Variants in DMXL1 observed in about 807,000 individuals in gnomAD.
DMXL1 encodes the protein Dmx like 1, also known as dmX-like protein 1.
A neutral mutation model predicts 319.2 loss-of-function variants in DMXL1; 99 were observed. The ratio of observed to expected loss-of-function variants is 0.31; its 90% CI spans 0.26 to 0.37. The LOEUF (loss-of-function observed/expected upper bound fraction) is 0.37. DMXL1 is among the 10% of genes least tolerant of loss of function. DMXL1 has a pLI of 1.00. For synonymous variants in DMXL1, 1,385 were observed against 1,235.2 expected, an observed-to-expected ratio of 1.12 and a Z score of -2.54; for missense variants, 3,745 against 3,595.6, an observed-to-expected ratio of 1.04 and a Z score of -1.06.
intron 28 of DMXL1, among the ~76,000 whole-genome samples, chr5:119,187,637 G>C (rs1777972393): frequency 6.6e-6 from 1 of 151,814 alleles, no homozygotes; most frequent in Non-Finnish European, 1.5e-5. Flanking sequence ...TTTTTCCTTT[G>C]GTCCTGCTTC....
At chr5:119,214,020 T>G (rs1783242406) in intron 34 of DMXL1, among the ~76,000 whole-genome samples, 3 of 152,176 alleles carry the variant, frequency 2.0e-5, no homozygotes. Context: ...TTCTCTAACT[T>G]TTTATCTTTC....
chr5:119,167,723 G>T lies in DMXL1; in HGVS notation c.5257G>T (p.Asp1753Tyr), dbSNP rs745596483. The change falls in exon 23 of 44, where the codon GAT (aspartate) becomes TAT (tyrosine). Residue 1753 changes from aspartate to tyrosine, a missense_variant. Transcript: ENST00000539542. ...SILRKKVLGI[D>Y]SPVSELCSLN... ...TTTACGTAAAAAAGTTTTGGGAATC[G>T]ATTCTCCTGTCAGTGAACTGTGTTC... The T allele has an allele frequency of 6.2e-7, 1 of 1,613,584 alleles. No individual in the cohort carries two copies. The highest frequency in any genetic ancestry group is 2.2e-5 in the East Asian group (1 of 44,774).
intron 9 of DMXL1, among the ~76,000 whole-genome samples, chr5:119,124,656 C>T (rs560849155): frequency 1.3e-5 from 2 of 148,296 alleles, no homozygotes; most frequent in Non-Finnish European, 3.0e-5. Flanking sequence ...ACCTCTGCCT[C>T]TCGGGTTCAA....
rs1404022848 is a variant in DMXL1 at position 119,184,059 on chromosome 5, C to CTTTTTTTTTT, written c.7136-5646_7136-5637dup. 1.6e-4 allele frequency among the ~76,000 whole-genome samples: 23 copies of CTTTTTTTTTT among 140,414 alleles called. 1 individual carries two copies. Among genetic ancestry groups the CTTTTTTTTTT allele is most frequent in the African/African-American group, 6.1e-4 (22 of 36,334 alleles). The allele number at this position is 140,414 out of a possible 152,430, so 92.1% of individuals were successfully genotyped here. A position where few individuals can be genotyped will look rare whatever the true frequency, so the allele number is the denominator to read the frequency against. ...ACTCCCTCATTCAATGTTTTCTTCT[C>CTTTTTTTTTT]TTTTTTTTTTTTGAGACAGGGTCTT... On this transcript the variant is annotated intron_variant, in intron 28 of 43. Coordinates refer to ENST00000539542, the MANE Select transcript of DMXL1 (RefSeq NM_001290321.3).
At chr5:119,140,180 A>C (rs974372106) in intron 13 of DMXL1, among the ~76,000 whole-genome samples, 31 of 152,190 alleles carry the variant, frequency 2.0e-4, no homozygotes, top group African/African-American at 7.0e-4. Context: ...GAAAGATCTC[A>C]AACTAATAAC....
Position 119,116,786 on chromosome 5 carries a change from A to G in DMXL1, c.743+450A>G, listed in dbSNP as rs116520423. On this transcript the variant is annotated intron_variant, in intron 7 of 43. Transcript: ENST00000539542. ...TGAGTTCTTGTATGTTTATTTGACT[A>G]CACCCAGCATATGTGAGGAAAAGAG... Among the ~76,000 whole-genome samples the G allele has an allele frequency of 6.9e-3, 1,057 of 152,280 alleles. 7 individuals carry two copies. Among genetic ancestry groups the G allele is most frequent in the Non-Finnish European group, 0.013 (871 of 68,022 alleles).
At chr5:119,181,859 G>A (rs1428803144) in intron 28 of DMXL1, among the ~76,000 whole-genome samples, 1 of 152,026 alleles carries the variant, frequency 6.6e-6, no homozygotes, top group Non-Finnish European at 1.5e-5. Flanking sequence ...GGAAAGAAGC[G>A]AAGAGAAAGG....
chr5:119,122,130 C>CAGA (rs1762245086), intron 9 of DMXL1, among the ~76,000 whole-genome samples: 1 of 127,604 alleles, frequency 7.8e-6, no homozygotes, highest in African/African-American at 3.2e-5. Flanking sequence ...GCTGGCCGGG[C>CAGA]GGGGGGCTGA....
chr5:119,213,989 A>G (rs1783236375), intron 34 of DMXL1, among the ~76,000 whole-genome samples: 1 of 152,140 alleles, frequency 6.6e-6, no homozygotes, highest in Non-Finnish European at 1.5e-5. Flanking sequence ...TCCTTGAAAT[A>G]TTGGTTGCCC....
chr5:119,206,316 TTTAAGAAGTGTATG>T (rs1428518822), intron 33 of DMXL1, among the ~76,000 whole-genome samples: 1 of 152,084 alleles, frequency 6.6e-6, no homozygotes, highest in Non-Finnish European at 1.5e-5. Context: ...ACTATTCCCT[TTTAAGAAGTGTATG>T]TGCTTCCCAG....
chr5:119,183,689 C>T (rs1242585906), intron 28 of DMXL1, among the ~76,000 whole-genome samples: 1 of 152,114 alleles, frequency 6.6e-6, no homozygotes, highest in East Asian at 1.9e-4. Flanking sequence ...AATCTCCTGA[C>T]CTTCAGTGAT....
intron 43 of DMXL1, among the ~76,000 whole-genome samples, chr5:119,245,763 C>G (rs188002330): frequency 1.2e-4 from 19 of 152,110 alleles, no homozygotes; most frequent in African/African-American, 4.1e-4. Context: ...TGGTCTCGAT[C>G]TCCTGACCTT....
intron 31 of DMXL1, 92 bp downstream of exon 31, chr5:119,196,548 G>A: frequency 1.1e-6 from 1 of 876,006 alleles, no homozygotes; most frequent in Non-Finnish European, 1.8e-6. Flanking sequence ...CTGGACTGGG[G>A]GGAAAATTTA....
At chr5:119,143,733 C>A in intron 13 of DMXL1, 108 bp from the exon 14 acceptor site, 1 of 634,418 alleles carries the variant, frequency 1.6e-6, no homozygotes. Flanking sequence ...TATATTTAGG[C>A]CCACTTGAAT....
intron 35 of DMXL1, among the ~76,000 whole-genome samples, chr5:119,219,572 T>TTA (rs1561902831): frequency 1.1e-4 from 17 of 150,176 alleles, no homozygotes; most frequent in East Asian, 5.8e-4. Flanking sequence ...TTAATTAATT[T>TTA]ATTTATTTAT....
intron 1 of DMXL1, among the ~76,000 whole-genome samples, chr5:119,084,947 AATATCTTTC>A (rs1753026929): frequency 6.6e-6 from 1 of 151,918 alleles, no homozygotes; most frequent in Non-Finnish European, 1.5e-5. Flanking sequence ...ATGAGCATGG[AATATCTTTC>A]CATTTTTTGT....
chr5:119,122,551 C>T (rs1220060521), intron 9 of DMXL1, among the ~76,000 whole-genome samples: 6 of 148,766 alleles, frequency 4.0e-5, no homozygotes, highest in African/African-American at 1.5e-4. Context: ...TCAGATGGGG[C>T]GGCTGCCGGG....
rs1489799880 is a variant in DMXL1 at position 119,141,266 on chromosome 5, AAG to A, written c.2377-2572_2377-2571del. Among the ~76,000 whole-genome samples, 8 of 152,246 alleles carry A rather than the reference AAG, an allele frequency of 5.3e-5. No homozygotes were observed. The East Asian group carries it at 1.4e-3, about 26-fold the overall frequency. ...GAAGTGCTGGCCACAGCAATCAGGA[AAG>A]AGGAATAAAAGGCATCTAAATAGGA... On this transcript the variant is annotated intron_variant, in intron 13 of 43. Coordinates refer to ENST00000539542, the MANE Select transcript of DMXL1 (RefSeq NM_001290321.3).
intron 25 of DMXL1, among the ~76,000 whole-genome samples, chr5:119,173,798 A>ATATATAT (rs1307519155): frequency 1.4e-4 from 18 of 126,620 alleles, no homozygotes; most frequent in East Asian, 8.4e-4. Flanking sequence ...ATATATATAT[A>ATATATAT]ATGAGAGAGA....
Sources: allele counts gnomAD v4.1 joint callset (sites outside exome capture counted in the v4.1 genomes callset), GRCh38; gene constraint gnomAD v4.1.1; transcripts MANE v1.5; gene names NCBI Gene and HGNC (gene_info 2026-07-23, HGNC 2026-07-21).